ITPR1: variants seen among roughly 807,000 people sequenced by gnomAD.
ITPR1 encodes the protein inositol 1,4,5-trisphosphate receptor type 1, also known as inositol 1,4,5-trisphosphate-gated calcium channel ITPR1.
A neutral mutation model predicts 318.4 loss-of-function variants in ITPR1; 96 were observed. The ratio of observed to expected loss-of-function variants is 0.30; its 90% CI spans 0.26 to 0.36. The LOEUF is 0.36. Ranked by LOEUF, ITPR1 falls within the 10% of genes least tolerant of loss-of-function variation. The pLI, the probability that ITPR1 is intolerant of heterozygous loss-of-function variation, is 1.00. For synonymous variants in ITPR1, 1,312 were observed against 1,289.9 expected (o/e 1.02, Z -0.37); for missense variants, 2,440 against 3,460.2 (o/e 0.71, Z 7.40).
rs182007437 is a variant in ITPR1, at chr3:4,581,441, T to A, written c.164-46322T>A. 2.0e-3 allele frequency among the ~76,000 whole-genome samples: 300 copies of A among 152,278 alleles called. 2 individuals carry two copies. The highest frequency in any genetic ancestry group is 6.9e-3 in the African/African-American group (286 of 41,540). ...ATGGTGTATGGTGGTTGCTTTTACA[T>A]CAGTTTTAGGTGGGTTGCCATATTC... On this transcript the variant is annotated intron_variant, in intron 4 of 61. Transcript: ENST00000649015.
At chr3:4,663,541 C>G (rs1043236384) in intron 16 of ITPR1, among the ~76,000 whole-genome samples, 4 of 152,162 alleles carry the variant, frequency 2.6e-5, no homozygotes, top group Non-Finnish European at 4.4e-5. Flanking sequence ...TGCAAAAAGT[C>G]CAGAGAGTTC....
Position 4,534,801 on chromosome 3 carries a change from A to G in ITPR1, c.163+13707A>G, listed in dbSNP as rs560836597. On this transcript the variant is annotated intron_variant, in intron 4 of 61. Transcript: ENST00000649015. The stretch of plus-strand genomic sequence containing the variant: ...GGACTTATGCTAGCAAATTTCTGTG[A>G]CTAAGGTCCTCTCCTCCCCCTATAA... Among the ~76,000 whole-genome samples the G allele has an allele frequency of 7.2e-5, 11 of 152,298 alleles. No individual in the cohort carries two copies. In the South Asian group the frequency reaches 2.1e-3, roughly 29 times the overall value.
intron 4 of ITPR1, among the ~76,000 whole-genome samples, chr3:4,621,413 T>A (rs929387888): frequency 6.6e-6 from 1 of 151,982 alleles, no homozygotes; most frequent in Non-Finnish European, 1.5e-5. Context: ...ACCAAAGAGG[T>A]GGTTCTAAAC....
chr3:4,734,288 T>TGG (rs1330515656), intron 43 of ITPR1, among the ~76,000 whole-genome samples: 1 of 152,200 alleles, frequency 6.6e-6, no homozygotes, highest in Non-Finnish European at 1.5e-5. Context: ...GTGAAGCCCT[T>TGG]GGGGAGGCAT....
At chr3:4,503,620 G>A (rs1258368604) in intron 2 of ITPR1, among the ~76,000 whole-genome samples, 1 of 152,098 alleles carries the variant, frequency 6.6e-6, no homozygotes, top group African/African-American at 2.4e-5. Flanking sequence ...GCAGGCAGGG[G>A]TGGGGTGCTA....
chr3:4,622,516 C>T (rs1489280586), intron 4 of ITPR1, among the ~76,000 whole-genome samples: 7 of 146,630 alleles, frequency 4.8e-5, no homozygotes, highest in South Asian at 2.2e-4. Flanking sequence ...CTCCGCCTCC[C>T]GGGTTCAAGT....
At chr3:4,512,738 A>G (rs2081926586) in intron 2 of ITPR1, among the ~76,000 whole-genome samples, 1 of 152,330 alleles carries the variant, frequency 6.6e-6, no homozygotes, top group Non-Finnish European at 1.5e-5. Flanking sequence ...CTTTTCAAGC[A>G]TTATTTCACC....
chr3:4,662,538 C>G (rs1298643653), intron 15 of ITPR1, among the ~76,000 whole-genome samples: 1 of 152,130 alleles, frequency 6.6e-6, no homozygotes, highest in Non-Finnish European at 1.5e-5. Flanking sequence ...GCCTGCCTAA[C>G]ATGGTGAAAC....
chr3:4,551,960 G>A (rs1293941466), intron 4 of ITPR1, among the ~76,000 whole-genome samples: 3 of 152,154 alleles, frequency 2.0e-5, no homozygotes, highest in African/African-American at 7.2e-5. Context: ...TGCTCTGGAG[G>A]TTCCATGTGA....
At chr3:4,562,932 G>A (rs562042292) in intron 4 of ITPR1, among the ~76,000 whole-genome samples, 1 of 137,074 alleles carries the variant, frequency 7.3e-6, no homozygotes, top group Non-Finnish European at 1.6e-5. Flanking sequence ...AAATAAGGAG[G>A]ATGTGATGCA....
intron 51 of ITPR1, 32 bp from the exon 52 acceptor site, chr3:4,787,915 A>C: frequency 2.0e-6 from 3 of 1,513,458 alleles, no homozygotes; most frequent in Non-Finnish European, 2.7e-6. Flanking sequence ...TTCAAAGATG[A>C]ATATTTAATC....
At chr3:4,744,900 CCTT>C (rs2043970778) in intron 44 of ITPR1, among the ~76,000 whole-genome samples, 1 of 7,768 alleles carries the variant, frequency 1.3e-4, no homozygotes, top group African/African-American at 5.2e-4. Flanking sequence ...CTCCCTCCCT[CCTT>C]CCTTCCTTCC....
At position 4,674,229 on chromosome 3, in the gene ITPR1, T is replaced by C. The variant is rs1000436867; in HGVS notation, c.2484T>C (p.Asp828=). ...DDYDSSGASK[D]EIKERFAQTM... ...ATGATAGTAGTGGAGCTTCCAAAGA[T>C]GAAATTAAGGAGAGATTTGCTCAGA... is the stretch of plus-strand genomic sequence containing the variant. Residue 828 remains aspartate, a synonymous_variant, in exon 22 of 62, where the codon GAT becomes GAC. Transcript: ENST00000649015. The C allele has an allele frequency of 5.1e-6, 8 of 1,556,820 alleles. No individual in the cohort carries two copies. Among genetic ancestry groups the C allele is most frequent in the Middle Eastern group, 1.7e-4 (1 of 6,022 alleles).
At chr3:4,636,139 G>C (rs140189790) in intron 5 of ITPR1, among the ~76,000 whole-genome samples, 2 of 151,652 alleles carry the variant, frequency 1.3e-5, no homozygotes, top group African/African-American at 2.4e-5. Flanking sequence ...GAGCCACCGC[G>C]CCTAGCCCAG....
At chr3:4,830,770 G>C (rs927858240) in intron 60 of ITPR1, among the ~76,000 whole-genome samples, 13 of 152,114 alleles carry the variant, frequency 8.5e-5, no homozygotes, top group Non-Finnish European at 1.6e-4. Context: ...CTTCCCAGAG[G>C]GGATTCTCAA....
chr3:4,695,291 T>A (rs149777175), intron 33 of ITPR1, among the ~76,000 whole-genome samples: 2 of 152,342 alleles, frequency 1.3e-5, no homozygotes, highest in African/African-American at 4.8e-5. Flanking sequence ...TCAACATAGT[T>A]TTAATTTACA....
Position 4,717,399 on chromosome 3 carries a change from G to C in ITPR1, c.5136G>C (p.Glu1712Asp). The C allele has an allele frequency of 6.3e-7, 1 of 1,595,772 alleles. No homozygotes were observed. The highest frequency in any genetic ancestry group is 8.5e-7 in the Non-Finnish European group (1 of 1,176,566). The change falls in exon 40 of 62, where the codon GAG (glutamate) becomes GAC (aspartate). Residue 1712 changes from glutamate (E) to aspartate (D), a missense_variant and splice_region_variant. Glu to Asp is a conservative substitution (Grantham distance 45, BLOSUM62 2). This residue lies in a region of ITPR1 where 166 missense variants were observed against 143.7 expected (regional missense o/e 1.16). Coordinates refer to ENST00000649015, the MANE Select transcript of ITPR1 (RefSeq NM_001378452.1). ...LISIDELDNA[E>D]LPPAPDSENA... is the part of the protein sequence containing the mutation. ...CCATTGATGAATTGGATAATGCTGA[G>C]GTCCTAATTTTGTTGTTTTTTGTTT...
intron 2 of ITPR1, among the ~76,000 whole-genome samples, chr3:4,505,800 T>A (rs1007791804): frequency 4.6e-5 from 7 of 152,218 alleles, no homozygotes; most frequent in African/African-American, 1.7e-4. Flanking sequence ...GTTCTGGTTT[T>A]ATTAGGAATA....
intron 60 of ITPR1, among the ~76,000 whole-genome samples, chr3:4,819,975 A>T (rs2049578863): frequency 6.6e-6 from 1 of 152,342 alleles, no homozygotes; most frequent in East Asian, 1.9e-4. Context: ...GGCTGACTGT[A>T]GAAATCGCAC....
Sources: allele counts gnomAD v4.1 joint callset (sites outside exome capture counted in the v4.1 genomes callset), GRCh38; gene constraint gnomAD v4.1.1; regional missense constraint gnomAD v4.1.1; transcripts MANE v1.5; gene names NCBI Gene and HGNC (gene_info 2026-07-23, HGNC 2026-07-21).